ALK: variants seen among roughly 807,000 people sequenced by gnomAD.
The protein encoded by ALK is ALK tyrosine kinase receptor.
A neutral mutation model predicts 163.1 loss-of-function variants in ALK; 74 were observed. The ratio of observed to expected loss-of-function variants is 0.45; its 90% confidence interval spans 0.38 to 0.55. The LOEUF (loss-of-function observed/expected upper bound fraction) is 0.55. ALK is among the 20% of genes least tolerant of loss of function. The pLI is 0.00. For synonymous variants in ALK, 960 were observed against 843.2 expected, an observed-to-expected ratio of 1.14 and a Z score of -2.40; for missense variants, 2,063 against 2,105.3, an observed-to-expected ratio of 0.98 and a Z score of 0.39.
intron 2 of ALK, among the ~76,000 whole-genome samples, chr2:29,710,881 C>T (rs755943093): frequency 1.3e-5 from 2 of 152,152 alleles, no homozygotes; most frequent in Non-Finnish European, 1.5e-5. Flanking sequence ...GGGTTTACAG[C>T]TCTCTACTGG....
At position 29,232,292 on chromosome 2, in the gene ALK, G is replaced by A. The variant is rs1664234065; in HGVS notation, c.2632+12C>T. On this transcript the variant is annotated intron_variant, in intron 15 of 28. Coordinates refer to ENST00000389048, the MANE Select transcript of ALK (RefSeq NM_004304.5). ...AGAGGTTCTGGGAGAGGGCACGCTT[G>A]CAGCGCTTTACCTGCGGCTCCGGAA... The A allele has an allele frequency of 6.2e-7, 1 of 1,614,172 alleles. No homozygotes were observed. Among genetic ancestry groups the A allele is most frequent in the Non-Finnish European group, 8.5e-7 (1 of 1,180,046 alleles).
chr2:29,263,362 C>T (rs1573173062), intron 11 of ALK, among the ~76,000 whole-genome samples: 1 of 152,202 alleles, frequency 6.6e-6, no homozygotes, highest in Non-Finnish European at 1.5e-5. Flanking sequence ...TTGTTTGGTT[C>T]TAACTCATGA....
chr2:29,317,493 G>T (rs1666863614), intron 8 of ALK, among the ~76,000 whole-genome samples: 1 of 152,158 alleles, frequency 6.6e-6, no homozygotes, highest in African/African-American at 2.4e-5. Flanking sequence ...AGTGTGCCAG[G>T]CACCCTGTGG....
chr2:29,636,798 G>T (rs1288087479), intron 3 of ALK, among the ~76,000 whole-genome samples: 1 of 152,098 alleles, frequency 6.6e-6, no homozygotes, highest in African/African-American at 2.4e-5. Context: ...AAGGCACATT[G>T]TATCAAAAAG....
At chr2:29,480,720 C>G (rs1446792517) in intron 4 of ALK, among the ~76,000 whole-genome samples, 1 of 142,578 alleles carries the variant, frequency 7.0e-6, no homozygotes, top group Non-Finnish European at 1.5e-5. Flanking sequence ...CCGGGGGCTA[C>G]AGGCACTCTC....
chr2:29,359,966 A>C (rs1668349821), intron 5 of ALK, among the ~76,000 whole-genome samples: 1 of 152,204 alleles, frequency 6.6e-6, no homozygotes, highest in Non-Finnish European at 1.5e-5. Context: ...TGACGTTTCC[A>C]CAGTCTGAAA....
At chr2:29,230,159 T>G (rs1664154489) in intron 15 of ALK, among the ~76,000 whole-genome samples, 1 of 152,124 alleles carries the variant, frequency 6.6e-6, no homozygotes, top group Non-Finnish European at 1.5e-5. Context: ...TGGCATAGTA[T>G]TTGCACATTC....
At chr2:29,440,144 G>T (rs891203810) in intron 4 of ALK, among the ~76,000 whole-genome samples, 2 of 151,808 alleles carry the variant, frequency 1.3e-5, no homozygotes, top group Non-Finnish European at 2.9e-5. Context: ...TGAGGCAGGA[G>T]AATCACTTGA....
At chr2:29,848,340 AG>A (rs1558516842) in intron 1 of ALK, among the ~76,000 whole-genome samples, 1 of 150,988 alleles carries the variant, frequency 6.6e-6, no homozygotes, top group Non-Finnish European at 1.5e-5. Context: ...CACCTTGTTC[AG>A]GAAGGCTTTT....
In ALK at chr2:29,403,709, C is replaced by CAAA. The variant is rs67270103; in HGVS notation, c.1155-19853_1155-19851dup. On this transcript the variant is annotated intron_variant, in intron 4 of 28. Coordinates refer to ENST00000389048, the MANE Select transcript of ALK (RefSeq NM_004304.5). The stretch of plus-strand genomic sequence containing the variant: ...CAGGCAACAGTGAGACAGGTCTCTA[C>CAAA]AAAAAAAAAAAAAAAAAAAAAAAAA... 2.4e-3 allele frequency among the ~76,000 whole-genome samples: 176 copies of CAAA among 74,186 alleles called. 5 individuals carry two copies. The highest frequency in any genetic ancestry group is 9.0e-3 in the African/African-American group (147 of 16,366). The allele number at this position is 74,186 out of a possible 152,430, so 48.7% of individuals were successfully genotyped here.
intron 1 of ALK, among the ~76,000 whole-genome samples, chr2:29,821,802 C>A (rs1363068787): frequency 1.3e-5 from 2 of 152,208 alleles, no homozygotes; most frequent in African/African-American, 4.8e-5. Context: ...AATCTCCTGC[C>A]TGCCAGCCAG....
chr2:29,710,439 A>G lies in ALK; in HGVS notation c.787+7139T>C, dbSNP rs139232174. Among the ~76,000 whole-genome samples the G allele has an allele frequency of 3.1e-3, 465 of 151,868 alleles. 1 individual carries two copies. The highest frequency in any genetic ancestry group is 0.011 in the African/African-American group (439 of 41,412). On this transcript the variant is annotated intron_variant, in intron 2 of 28. Transcript: ENST00000389048. Reference sequence around the variant, plus strand: ...CCTCTGCTTACCTCTCAAATGAAACATCCTGGATCTCCTCTGGGTCTTCAA... The same window carrying G: ...CCTCTGCTTACCTCTCAAATGAAACGTCCTGGATCTCCTCTGGGTCTTCAA...
chr2:29,739,952 A>G (rs1249041086), intron 1 of ALK, among the ~76,000 whole-genome samples: 1 of 152,156 alleles, frequency 6.6e-6, no homozygotes, highest in Non-Finnish European at 1.5e-5. Context: ...ATAAAATGCC[A>G]AAAACACCTT....
At chr2:29,433,355 T>C (rs1054373022) in intron 4 of ALK, among the ~76,000 whole-genome samples, 5 of 152,154 alleles carry the variant, frequency 3.3e-5, no homozygotes, top group Non-Finnish European at 5.9e-5. Flanking sequence ...AAGACGGATG[T>C]TGACCACACT....
chr2:29,520,213 A>G (rs2148148049), intron 4 of ALK, among the ~76,000 whole-genome samples: 1 of 152,338 alleles, frequency 6.6e-6, no homozygotes, highest in East Asian at 1.9e-4. Context: ...ACAAATGGAG[A>G]TAACCCAGGC....
intron 1 of ALK, among the ~76,000 whole-genome samples, chr2:29,835,371 C>T (rs1665532231): frequency 6.6e-6 from 1 of 152,206 alleles, no homozygotes; most frequent in South Asian, 2.1e-4. Context: ...CCTCAAATAA[C>T]ATTGCTGTGC....
intron 12 of ALK, among the ~76,000 whole-genome samples, chr2:29,240,590 A>C (rs1664499175): frequency 6.6e-6 from 1 of 152,134 alleles, no homozygotes; most frequent in Non-Finnish European, 1.5e-5. Flanking sequence ...TTCCCATCTC[A>C]CTGGTAACTC....
At chr2:29,672,062 T>TTTA (rs1050068366) in intron 3 of ALK, among the ~76,000 whole-genome samples, 8 of 151,610 alleles carry the variant, frequency 5.3e-5, no homozygotes, top group African/African-American at 1.9e-4. Context: ...TTCTTTTTTT[T>TTTA]TTTTTCATTT....
intron 4 of ALK, among the ~76,000 whole-genome samples, chr2:29,396,011 G>A (rs1185927921): frequency 6.5e-5 from 8 of 123,332 alleles, no homozygotes; most frequent in Admixed American, 1.7e-4. Flanking sequence ...TTTTTCTCTC[G>A]TTAACCTGTT....
Sources: gnomAD v4.1 joint callset for allele counts (sites outside exome capture counted in the v4.1 genomes callset) on GRCh38, gnomAD v4.1.1 for gene constraint, MANE v1.5 for transcripts, NCBI Gene and HGNC (gene_info 2026-07-23, HGNC 2026-07-21) for gene names.